PRDM16: variants seen among roughly 807,000 people sequenced by gnomAD.
PRDM16 encodes PR/SET domain 16.
PRDM16 carries 23 observed loss-of-function variants against 110.6 expected under a neutral mutation model. The observed-to-expected ratio is 0.21, with a 90% CI of 0.15 to 0.29. The LOEUF is 0.29. Ranked by LOEUF, PRDM16 falls within the 10% of genes least tolerant of loss-of-function variation. The probability of loss-of-function intolerance (pLI) is 1.00; values close to 1 mark genes in which losing one functional copy is unlikely to be tolerated. For missense variants in PRDM16, 1,615 were observed against 1,794.3 expected (o/e 0.90, Z 1.81); for synonymous variants, 799 against 781.8 (o/e 1.02, Z -0.37).
intron 1 of PRDM16, among the ~76,000 whole-genome samples, chr1:3,103,597 A>G (rs752689585): frequency 3.5e-4 from 54 of 152,320 alleles, no homozygotes; most frequent in Non-Finnish European, 7.4e-4. Context: ...GGTGGTGCAG[A>G]AACACCTGTG....
chr1:3,071,458 C>T (rs901651858), intron 1 of PRDM16, among the ~76,000 whole-genome samples: 1 of 152,328 alleles, frequency 6.6e-6, no homozygotes, highest in East Asian at 1.9e-4. Flanking sequence ...GCCCTCTGTC[C>T]ACACTTGGCC....
rs755712825 is a variant in PRDM16, at chr1:3,244,066, C to A, written c.388-21C>A. The A allele has an allele frequency of 2.5e-6, 4 of 1,612,910 alleles. No homozygotes were observed. The highest frequency in any genetic ancestry group is 3.4e-6 in the Non-Finnish European group (4 of 1,178,980). ...AATGTTTTATCAGAAACTAACAACC[C>A]CTCTCAAAATTGTTTTGCAGCAAAT... is the stretch of plus-strand genomic sequence containing the variant. On this transcript the variant is annotated intron_variant, in intron 2 of 16. Coordinates refer to ENST00000270722, the MANE Select transcript of PRDM16 (RefSeq NM_022114.4). This position sits in a 1 kb window ranked among gnomAD's most constrained non-coding sequence, Gnocchi z 4.1.
intron 9 of PRDM16, 34 bp from the exon 10 acceptor site, chr1:3,414,526 G>C (rs370654838): frequency 1.3e-6 from 2 of 1,552,832 alleles, no homozygotes; most frequent in Non-Finnish European, 1.8e-6. Context: ...CGGGCGGCTC[G>C]GTGGGGTACG....
intron 2 of PRDM16, among the ~76,000 whole-genome samples, chr1:3,217,426 C>G (rs1310675922): frequency 6.6e-6 from 1 of 152,212 alleles, no homozygotes; most frequent in African/African-American, 2.4e-5. Context: ...TGGGAACAGC[C>G]CTCCTGGTTG....
chr1:3,122,907 C>A (rs1306746870), intron 1 of PRDM16, among the ~76,000 whole-genome samples: 1 of 152,154 alleles, frequency 6.6e-6, no homozygotes, highest in Non-Finnish European at 1.5e-5. Flanking sequence ...GACTGGAGCG[C>A]GGGAAGGGCA....
rs559568905 is a variant in PRDM16 at position 3,179,353 on chromosome 1, T to TC, written c.38-6770dup. On this transcript the variant is annotated intron_variant, in intron 1 of 16. Coordinates refer to ENST00000270722, the MANE Select transcript of PRDM16 (RefSeq NM_022114.4). ...GCGTGGACTCAGGAGTGGGTGTGGT[T>TC]CCAGCCCTCAGCCCCTCACTGGGGG... is the stretch of plus-strand genomic sequence containing the variant. Among the ~76,000 whole-genome samples, 490 of 152,322 alleles carry TC rather than the reference T, an allele frequency of 3.2e-3. 1 individual carries two copies. Among genetic ancestry groups the TC allele is most frequent in the Non-Finnish European group, 5.5e-3 (377 of 68,012 alleles).
At chr1:3,152,304 TCATC>T (rs140476841) in intron 1 of PRDM16, among the ~76,000 whole-genome samples, 76 of 151,778 alleles carry the variant, frequency 5.0e-4, no homozygotes, top group Middle Eastern at 3.4e-3. Flanking sequence ...ATCCCTCCTT[TCATC>T]CATCCATCCA....
At chr1:3,357,012 G>A (rs1642617260) in intron 3 of PRDM16, among the ~76,000 whole-genome samples, 1 of 152,210 alleles carries the variant, frequency 6.6e-6, no homozygotes, top group South Asian at 2.1e-4. Flanking sequence ...ACACCCAGCT[G>A]CAGCTTGCCC....
intron 3 of PRDM16, among the ~76,000 whole-genome samples, chr1:3,381,819 G>A (rs1031111722): frequency 2.0e-5 from 3 of 152,234 alleles, no homozygotes; most frequent in Non-Finnish European, 4.4e-5. Flanking sequence ...CAAAAGAGAC[G>A]CATGCTGAGA....
At chr1:3,409,818 T>C (rs940489620) in intron 8 of PRDM16, among the ~76,000 whole-genome samples, 6 of 75,160 alleles carry the variant, frequency 8.0e-5, no homozygotes, top group African/African-American at 5.9e-4. Context: ...TGTGTGCATG[T>C]GTGTGGTTGT....
chr1:3,393,608 G>C (rs1643332303), intron 4 of PRDM16, among the ~76,000 whole-genome samples: 1 of 152,224 alleles, frequency 6.6e-6, no homozygotes, highest in Non-Finnish European at 1.5e-5. Flanking sequence ...TTCCCACCGC[G>C]GCCGGCCCGG....
chr1:3,154,746 AC>A (rs2100729823), intron 1 of PRDM16, among the ~76,000 whole-genome samples: 1 of 151,486 alleles, frequency 6.6e-6, no homozygotes, highest in South Asian at 2.1e-4. Context: ...ACCGCTGCTG[AC>A]CCCCAGGCCG....
rs148237347 is a variant in PRDM16, at chr1:3,203,003, C to T, written c.387+16529C>T. ...AGAAAGTGGATAATTTTCCACTGGT[C>T]GTACCCTTGCCCCCAGCCTGGAAGC... On this transcript the variant is annotated intron_variant, in intron 2 of 16. Coordinates refer to ENST00000270722, the MANE Select transcript of PRDM16 (RefSeq NM_022114.4). Among the ~76,000 whole-genome samples, 881 of 152,266 alleles carry T rather than the reference C, an allele frequency of 5.8e-3. 15 individuals carry two copies. The highest frequency in any genetic ancestry group is 0.02 in the African/African-American group (839 of 41,526).
In PRDM16 at chr1:3,143,850, A is replaced by T. The variant is rs1014752758; in HGVS notation, c.38-42275A>T. Among the ~76,000 whole-genome samples, 3 of 152,054 alleles carry T rather than the reference A, an allele frequency of 2.0e-5. No homozygotes were observed. Among genetic ancestry groups the T allele is most frequent in the African/African-American group, 7.2e-5 (3 of 41,398 alleles). On this transcript the variant is annotated intron_variant, in intron 1 of 16. Coordinates refer to ENST00000270722, the MANE Select transcript of PRDM16 (RefSeq NM_022114.4). The surrounding 1 kb of genome is among the most constrained non-coding windows in gnomAD (Gnocchi z 4.5). ...ACACCTCTGGTCTGCAGCCCCTGGG[A>T]GCTGAGGCCCTGTCTGTGGATGGAG...
At chr1:3,399,171 C>A (rs1423957128) in intron 5 of PRDM16, among the ~76,000 whole-genome samples, 2 of 152,216 alleles carry the variant, frequency 1.3e-5, no homozygotes, top group African/African-American at 4.8e-5. Context: ...AAGTCACTTC[C>A]ATTCCCATAT....
At chr1:3,145,779 C>T (rs1643636616) in intron 1 of PRDM16, among the ~76,000 whole-genome samples, 1 of 152,220 alleles carries the variant, frequency 6.6e-6, no homozygotes, top group South Asian at 2.1e-4. Context: ...CCCACCGAGG[C>T]TCCCGATAAC....
At chr1:3,423,928 G>GA (rs1177796737) in intron 12 of PRDM16, among the ~76,000 whole-genome samples, 3 of 152,274 alleles carry the variant, frequency 2.0e-5, no homozygotes, top group Admixed American at 6.5e-5. Flanking sequence ...GTGCCTGTGG[G>GA]ATCAGATGAG....
At chr1:3,134,933 C>T (rs907375096) in intron 1 of PRDM16, among the ~76,000 whole-genome samples, 17 of 152,292 alleles carry the variant, frequency 1.1e-4, no homozygotes, top group African/African-American at 3.8e-4. Flanking sequence ...GGGGATTAGA[C>T]GGCCGAGCTG....
At chr1:3,165,392 C>T (rs1267926072) in intron 1 of PRDM16, among the ~76,000 whole-genome samples, 1 of 148,238 alleles carries the variant, frequency 6.7e-6, no homozygotes, top group Non-Finnish European at 1.5e-5. Flanking sequence ...CAGGGACTCA[C>T]CAGGGCTCAG....
Sources: gnomAD v4.1 joint callset for allele counts (sites outside exome capture counted in the v4.1 genomes callset) on GRCh38, gnomAD v4.1.1 for gene constraint, Gnocchi (gnomAD v3.1) non-coding constraint, MANE v1.5 for transcripts, NCBI Gene and HGNC (gene_info 2026-07-23, HGNC 2026-07-21) for gene names.